The following ASB3 variants were observed in gnomAD, a reference collection of about 807,000 sequenced individuals.
ASB3 encodes ankyrin repeat and SOCS box protein 3.
ASB3 carries 41 observed loss-of-function variants against 54.5 expected under a neutral mutation model. The ratio of observed to expected loss-of-function variants is 0.75; its 90% CI spans 0.59 to 0.98. ASB3 has a LOEUF of 0.98. ASB3 is among the 50% of genes least tolerant of loss of function. The probability of loss-of-function intolerance (pLI) is 0.00; values close to 1 mark genes in which losing one functional copy is unlikely to be tolerated. For synonymous variants in ASB3, 266 were observed against 221.2 expected, an observed-to-expected ratio of 1.20 and a Z score of -1.80; for missense variants, 733 against 620.0, an observed-to-expected ratio of 1.18 and a Z score of -1.94.
At chr2:53,688,157 T>C (rs1378938328) in intron 9 of ASB3, among the ~76,000 whole-genome samples, 2 of 152,210 alleles carry the variant, frequency 1.3e-5, no homozygotes, top group Admixed American at 6.5e-5. Flanking sequence ...TCACTGACTC[T>C]GGGATAGGAT....
At chr2:53,781,002 T>C (rs1254404119) in intron 1 of ASB3, among the ~76,000 whole-genome samples, 1 of 152,160 alleles carries the variant, frequency 6.6e-6, no homozygotes, top group Non-Finnish European at 1.5e-5. Context: ...ATGATGAAAA[T>C]TGCTTAAGTA....
chr2:53,722,580 T>C (rs1195573025), intron 5 of ASB3, among the ~76,000 whole-genome samples: 1 of 152,152 alleles, frequency 6.6e-6, no homozygotes, highest in Non-Finnish European at 1.5e-5. Flanking sequence ...CAAAACTATA[T>C]GATCATCTCA....
At position 53,726,760 on chromosome 2, in the gene ASB3, G is replaced by A. The variant is rs886754743; in HGVS notation, c.604+1952C>T. 4.0e-5 allele frequency among the ~76,000 whole-genome samples: 6 copies of A among 151,484 alleles called. No homozygotes were observed. In the East Asian group the frequency reaches 7.8e-4, roughly 20 times the overall value. On this transcript the variant is annotated intron_variant, in intron 5 of 9. Transcript: ENST00000263634. ...TGCCCAGACTGGAGTGCGGTGGTGC[G>A]ATCTTAGCTCACTACAACCTCTGCC...
intron 2 of ASB3, among the ~76,000 whole-genome samples, chr2:53,754,332 G>A (rs1287722402): frequency 2.0e-5 from 3 of 152,158 alleles, no homozygotes; most frequent in Non-Finnish European, 4.4e-5. Context: ...CATCAAGGAA[G>A]TAGAGTTTAA....
At chr2:53,706,947 T>G (rs1669807520) in intron 7 of ASB3, among the ~76,000 whole-genome samples, 1 of 152,230 alleles carries the variant, frequency 6.6e-6, no homozygotes, top group African/African-American at 2.4e-5. Context: ...TTAGGAACAC[T>G]GGGTTGTCCG....
chr2:53,779,944 C>T (rs1406080785), intron 1 of ASB3, among the ~76,000 whole-genome samples: 2 of 152,150 alleles, frequency 1.3e-5, no homozygotes, highest in Non-Finnish European at 2.9e-5. Flanking sequence ...CAAGGAAGCC[C>T]TGAAGGCTTT....
intron 1 of ASB3, among the ~76,000 whole-genome samples, chr2:53,766,915 C>T (rs1478418040): frequency 6.6e-6 from 1 of 151,994 alleles, no homozygotes; most frequent in Non-Finnish European, 1.5e-5. Flanking sequence ...CAAGAAAGAA[C>T]AATCACTTGG....
intron 5 of ASB3, among the ~76,000 whole-genome samples, chr2:53,721,398 C>CAAAAAAAAAA (rs1195017138): frequency 3.4e-5 from 3 of 87,384 alleles, no homozygotes; most frequent in Non-Finnish European, 2.3e-5. Flanking sequence ...TACTAAACTA[C>CAAAAAAAAAA]AAAAAAAAAA....
At chr2:53,673,173 A>T (rs938808503) in intron 9 of ASB3, among the ~76,000 whole-genome samples, 1 of 152,230 alleles carries the variant, frequency 6.6e-6, no homozygotes, top group Non-Finnish European at 1.5e-5. Flanking sequence ...GTGTGTTTTT[A>T]AAGAGAATTT....
intron 5 of ASB3, among the ~76,000 whole-genome samples, chr2:53,721,821 G>C (rs940827169): frequency 3.3e-5 from 5 of 151,634 alleles, no homozygotes; most frequent in African/African-American, 1.2e-4. Flanking sequence ...AAAGCTATTA[G>C]AAGAAAAAAA....
At chr2:53,687,628 A>G (rs1668699167) in intron 9 of ASB3, among the ~76,000 whole-genome samples, 1 of 152,204 alleles carries the variant, frequency 6.6e-6, no homozygotes, top group South Asian at 2.1e-4. Context: ...TTTAACCCAT[A>G]TATTTTAAAA....
chr2:53,711,402 C>A (rs1190573524), intron 7 of ASB3, among the ~76,000 whole-genome samples: 1 of 152,130 alleles, frequency 6.6e-6, no homozygotes, highest in Non-Finnish European at 1.5e-5. Context: ...AACAACTGGT[C>A]AATTAATGTT....
At chr2:53,684,676 G>C (rs115858086) in intron 9 of ASB3, among the ~76,000 whole-genome samples, 2,005 of 152,298 alleles carry the variant, frequency 0.013, 48 homozygotes, top group African/African-American at 0.046. Context: ...GACTTAAGCT[G>C]AGAAGATATT....
intron 7 of ASB3, among the ~76,000 whole-genome samples, chr2:53,712,850 G>C (rs1670184074): frequency 6.6e-6 from 1 of 152,140 alleles, no homozygotes; most frequent in Admixed American, 6.5e-5. Context: ...CTTAAGATTT[G>C]GGATAGAGAA....
chr2:53,778,694 T>C (rs971253825), intron 1 of ASB3, among the ~76,000 whole-genome samples: 1 of 152,214 alleles, frequency 6.6e-6, no homozygotes, highest in Non-Finnish European at 1.5e-5. Context: ...AATCCATCCA[T>C]GTCGTCACAA....
intron 7 of ASB3, among the ~76,000 whole-genome samples, chr2:53,703,675 A>C (rs1002011099): frequency 6.6e-6 from 1 of 152,234 alleles, no homozygotes; most frequent in African/African-American, 2.4e-5. Flanking sequence ...TGTACTATTT[A>C]TAAAAGTAGA....
intron 7 of ASB3, among the ~76,000 whole-genome samples, chr2:53,707,091 A>G (rs1669820431): frequency 6.6e-6 from 1 of 152,236 alleles, no homozygotes; most frequent in South Asian, 2.1e-4. Flanking sequence ...TCAATTCTCT[A>G]TACCACTGCC....
chr2:53,765,270 A>G, intron 2 of ASB3, 107 bp downstream of exon 2: 1 of 1,449,492 alleles, frequency 6.9e-7, no homozygotes, highest in Admixed American at 2.0e-5. Flanking sequence ...TTTTATGACT[A>G]TAGAAAGGGA....
At chr2:53,701,388 C>G (rs1669486757) in intron 7 of ASB3, among the ~76,000 whole-genome samples, 1 of 152,120 alleles carries the variant, frequency 6.6e-6, no homozygotes, top group Non-Finnish European at 1.5e-5. Flanking sequence ...AAAACTGAAG[C>G]TGAGTCACAG....
Sources: allele counts gnomAD v4.1 joint callset (sites outside exome capture counted in the v4.1 genomes callset), GRCh38; gene constraint gnomAD v4.1.1; transcripts MANE v1.5; gene names NCBI Gene and HGNC (gene_info 2026-07-23, HGNC 2026-07-21).